The following ANKHD1 variants were observed in gnomAD, a reference collection of about 807,000 sequenced individuals.
The protein encoded by ANKHD1 is ankyrin repeat and KH domain containing 1.
A neutral mutation model predicts 230.5 loss-of-function variants in ANKHD1; 31 were observed. The ratio of observed to expected loss-of-function variants is 0.13; its 90% CI spans 0.10 to 0.18. The LOEUF (loss-of-function observed/expected upper bound fraction) is 0.18. Among genes scored for constraint, ANKHD1 ranks in the 10% least tolerant of loss-of-function variants. The probability of loss-of-function intolerance (pLI) is 1.00; values close to 1 mark genes in which losing one functional copy is unlikely to be tolerated. For missense variants in ANKHD1, 2,256 were observed against 3,071.3 expected (o/e 0.73, Z 6.27); for synonymous variants, 1,074 against 1,117.6 (o/e 0.96, Z 0.78).
At chr5:140,408,067 C>G (rs1175983982) in intron 1 of ANKHD1, among the ~76,000 whole-genome samples, 2 of 152,072 alleles carry the variant, frequency 1.3e-5, no homozygotes, top group African/African-American at 4.8e-5. Flanking sequence ...ATCCTAGCCA[C>G]TTGGGAGGCT....
chr5:140,431,774 A>G (rs1773065568), intron 1 of ANKHD1, among the ~76,000 whole-genome samples: 1 of 152,238 alleles, frequency 6.6e-6, no homozygotes, highest in East Asian at 1.9e-4. Flanking sequence ...GAATTAACTC[A>G]ATAAATTATC....
In ANKHD1 at chr5:140,528,208, T is replaced by C. The variant is rs775792703; in HGVS notation, c.5262T>C (p.Tyr1754=). The part of the protein sequence containing the change: ...TIRGGTESTR[Y]AVQLINALIQ... The stretch of plus-strand genomic sequence containing the variant: ...GGGGTGGCACAGAATCAACAAGATA[T>C]GCAGTTCAACTAATCAATGCACTCA... The change falls in exon 29 of 34, where the codon TAT becomes TAC. Residue 1754 remains tyrosine (Y), a synonymous_variant. Transcript: ENST00000360839. The C allele has an allele frequency of 9.3e-6, 15 of 1,611,874 alleles. No homozygotes were observed. In the Middle Eastern group the frequency reaches 6.6e-4, roughly 71 times the overall value.
intron 1 of ANKHD1, among the ~76,000 whole-genome samples, chr5:140,419,854 TTTTC>T (rs1303790740): frequency 2.1e-5 from 3 of 140,446 alleles, no homozygotes; most frequent in Non-Finnish European, 4.6e-5. Context: ...CTCTTTCTTT[TTTTC>T]TTTCTTTTCT....
At chr5:140,458,991 T>C (rs1319150369) in intron 8 of ANKHD1, 129 bp downstream of exon 8, 16 of 18,858 alleles carry the variant, frequency 8.5e-4, no homozygotes, top group East Asian at 2.0e-3. Context: ...CATATATATA[T>C]ATATGCATAT....
Position 140,401,943 on chromosome 5 carries a change from C to A in ANKHD1, c.-25C>A. 1 of 1,556,674 alleles carries A rather than the reference C, an allele frequency of 6.4e-7. No individual in the cohort carries two copies. The highest frequency in any genetic ancestry group is 8.6e-7 in the Non-Finnish European group (1 of 1,156,772). The stretch of plus-strand genomic sequence containing the variant: ...GGCGGTGACCGCGAGTGGGTCGGCA[C>A]CGTCTCCGGCTCCGGGTGCGAACAA... On this transcript the variant is annotated 5_prime_UTR_variant, in exon 1 of 34. Transcript: ENST00000360839.
chr5:140,421,234 C>A, intron 1 of ANKHD1, among the ~76,000 whole-genome samples: 1 of 151,266 alleles, frequency 6.6e-6, no homozygotes, highest in Admixed American at 6.6e-5. Context: ...ATTTCTTTTT[C>A]CAGGGCAACA....
At chr5:140,496,374 C>T (rs1457325267) in intron 14 of ANKHD1, 146 bp from the exon 15 acceptor site, 1 of 807,154 alleles carries the variant, frequency 1.2e-6, no homozygotes. Flanking sequence ...TCTGAACATT[C>T]ATTCTATAAC....
chr5:140,491,158 ATATTTTT>A (rs1291717596), intron 14 of ANKHD1, among the ~76,000 whole-genome samples: 1 of 83,414 alleles, frequency 1.2e-5, no homozygotes, highest in African/African-American at 5.3e-5. Flanking sequence ...ATATATATAT[ATATTTTT>A]TTTTTTTTTT....
chr5:140,441,752 A>T (rs1473330529), intron 5 of ANKHD1, among the ~76,000 whole-genome samples: 2 of 152,148 alleles, frequency 1.3e-5, no homozygotes, highest in Non-Finnish European at 2.9e-5. Flanking sequence ...TTGCTAAATG[A>T]GTAGATTATG....
At chr5:140,476,241 A>G (rs1260692513) in intron 10 of ANKHD1, among the ~76,000 whole-genome samples, 1 of 152,074 alleles carries the variant, frequency 6.6e-6, no homozygotes, top group Non-Finnish European at 1.5e-5. Flanking sequence ...GAGAAAGAGA[A>G]TAGATTAGAA....
Position 140,539,479 on chromosome 5 carries a change from G to T in ANKHD1, c.*61G>T, listed in dbSNP as rs1396864076. On this transcript the variant is annotated 3_prime_UTR_variant, in exon 34 of 34. Transcript: ENST00000360839. ...AACCTATGACCTTGGAAGAACCATG[G>T]GGATTTTTTTTTAATGTGCCTAAGA... 2.0e-6 allele frequency: 3 copies of T among 1,533,246 alleles called. No individual in the cohort carries two copies. The Admixed American group carries it at 6.4e-5, about 33-fold the overall frequency. The allele number at this position is 1,533,246 out of a possible 1,614,324, so 95.0% of individuals were successfully genotyped here.
intron 1 of ANKHD1, among the ~76,000 whole-genome samples, chr5:140,418,632 G>A (rs986974753): frequency 1.3e-5 from 2 of 152,028 alleles, no homozygotes; most frequent in East Asian, 1.9e-4. Flanking sequence ...TGGGCATTTC[G>A]TATAAACAGA....
At position 140,441,172 on chromosome 5, in the gene ANKHD1, G is replaced by GA. The variant is rs755808129; in HGVS notation, c.913+36dup. ...GTAGAAAATGATGTATTAATTGGGAGAAAAAATTGACATAATTATTACCTG... is the reference window on the plus strand; with the variant it reads ...GTAGAAAATGATGTATTAATTGGGAGAAAAAAATTGACATAATTATTACCTG... On this transcript the variant is annotated intron_variant, in intron 5 of 33. Coordinates refer to ENST00000360839, the MANE Select transcript of ANKHD1 (RefSeq NM_017747.3). 8 of 1,486,330 alleles carry GA rather than the reference G, an allele frequency of 5.4e-6. No homozygotes were observed. In the East Asian group the frequency reaches 7.7e-5, roughly 14 times the overall value. The allele number at this position is 1,486,330 out of a possible 1,614,324, so 92.1% of individuals were successfully genotyped here.
chr5:140,450,370 A>G (rs1287138526), intron 7 of ANKHD1, among the ~76,000 whole-genome samples: 1 of 149,764 alleles, frequency 6.7e-6, no homozygotes, highest in Non-Finnish European at 1.5e-5. Context: ...ATCTTAGCTC[A>G]CTGCAGCCTA....
Position 140,539,423 on chromosome 5 carries a change from G to T in ANKHD1, c.*5G>T. 1 of 1,613,730 alleles carries T rather than the reference G, an allele frequency of 6.2e-7. No individual in the cohort carries two copies. The highest frequency in any genetic ancestry group is 1.3e-5 in the African/African-American group (1 of 75,006). On this transcript the variant is annotated 3_prime_UTR_variant, in exon 34 of 34. Coordinates refer to ENST00000360839, the MANE Select transcript of ANKHD1 (RefSeq NM_017747.3). The stretch of plus-strand genomic sequence containing the variant: ...CATCTCAAATATGTCAACTAAGTTA[G>T]AAGGTCTTTACTCTTTAGCCTTGTT...
chr5:140,531,370 C>T, intron 29 of ANKHD1: 1 of 368,838 alleles, frequency 2.7e-6, no homozygotes. Flanking sequence ...TACATGAGGT[C>T]AGGAGTTTGA....
At chr5:140,462,818 C>T (rs1775810071) in intron 9 of ANKHD1, among the ~76,000 whole-genome samples, 1 of 151,362 alleles carries the variant, frequency 6.6e-6, no homozygotes, top group Non-Finnish European at 1.5e-5. Context: ...CCCTTAGCAT[C>T]CTTCAAAGGT....
chr5:140,454,237 C>T, intron 7 of ANKHD1, among the ~76,000 whole-genome samples: 1 of 152,146 alleles, frequency 6.6e-6, no homozygotes, highest in Non-Finnish European at 1.5e-5. Flanking sequence ...TACAAAGAGA[C>T]TTAGACTCCC....
intron 14 of ANKHD1, among the ~76,000 whole-genome samples, chr5:140,489,243 C>T (rs1283811880): frequency 3.3e-5 from 5 of 151,612 alleles, no homozygotes; most frequent in African/African-American, 1.2e-4. Context: ...TGCTGTGGCT[C>T]ATACCTGTAA....
Sources: allele counts gnomAD v4.1 joint callset (sites outside exome capture counted in the v4.1 genomes callset), GRCh38; gene constraint gnomAD v4.1.1; transcripts MANE v1.5; gene names NCBI Gene and HGNC (gene_info 2026-07-23, HGNC 2026-07-21).